Variants in SGPP2 observed in about 807,000 individuals in gnomAD.
The protein encoded by SGPP2 is sphingosine-1-phosphate phosphatase 2, also known as sphingosine 1-phosphate phosphohydrolase 2.
Under a neutral mutation model 33.9 loss-of-function variants are expected in SGPP2, and 30 were observed. That is an observed-to-expected ratio of 0.89 (90% CI 0.66 to 1.20). The LOEUF (loss-of-function observed/expected upper bound fraction) is 1.20, where lower values mean the gene tolerates loss of function less well. Ranked by LOEUF, SGPP2 falls within the 50% of genes most tolerant of loss-of-function variation. SGPP2 has a pLI of 0.00. For synonymous variants in SGPP2, 233 were observed against 225.0 expected, an observed-to-expected ratio of 1.04 and a Z score of -0.32; for missense variants, 458 against 532.1, an observed-to-expected ratio of 0.86 and a Z score of 1.37.
At chr2:222,509,175 T>C (rs140870301) in intron 2 of SGPP2, among the ~76,000 whole-genome samples, 1 of 152,088 alleles carries the variant, frequency 6.6e-6, no homozygotes. Flanking sequence ...CACAATCTAG[T>C]GCAGTCAATC....
rs1689466612 is a variant in SGPP2, at chr2:222,558,725, C to A, written c.1027C>A (p.Gln343Lys). Residue 343 changes from glutamine (Q) to lysine (K), a missense_variant, in exon 5 of 5, where the codon CAA (glutamine) becomes AAA (lysine). By Grantham distance (53) the Gln-to-Lys change is moderately conservative (BLOSUM62 1). Transcript: ENST00000321276. ...GATCCTCTTGGTTCGTCAGCTTGTA[C>A]AAAATCTCTCACTGCAAGTATTATA... Reference protein sequence around the residue: ...VLILLVRQLVQNLSLQVLYSW... With the variant: ...VLILLVRQLVKNLSLQVLYSW... 16 of 1,613,976 alleles carry A rather than the reference C, an allele frequency of 9.9e-6. No homozygotes were observed. The highest frequency in any genetic ancestry group is 1.7e-5 in the Admixed American group (1 of 59,998).
intron 1 of SGPP2, chr2:222,452,867 C>T: frequency 6.2e-7 from 1 of 1,608,204 alleles, no homozygotes; most frequent in Non-Finnish European, 8.5e-7. Flanking sequence ...ATTTCATTCT[C>T]TGGTTCTGGA....
chr2:222,486,701 G>T (rs536890840), intron 2 of SGPP2, among the ~76,000 whole-genome samples: 79 of 152,330 alleles, frequency 5.2e-4, no homozygotes, highest in African/African-American at 1.8e-3. Context: ...AGGAAACCAT[G>T]TGAGAAGGCC....
chr2:222,524,941 C>G lies in SGPP2; in HGVS notation c.559-3C>G. ...TCCCTTGTTTTTTCTCCTTCCCCCA[C>G]AGTATCCATTTGTGTTGGGACTGGT... On this transcript the variant is annotated splice_region_variant and splice_polypyrimidine_tract_variant and intron_variant, in intron 3 of 4. Coordinates refer to ENST00000321276, the MANE Select transcript of SGPP2 (RefSeq NM_152386.4). 6.2e-7 allele frequency: 1 copy of G among 1,613,108 alleles called. No homozygotes were observed. Among genetic ancestry groups the G allele is most frequent in the Non-Finnish European group, 8.5e-7 (1 of 1,179,278 alleles).
At chr2:222,424,495 C>T (rs1697026944), upstream of SGPP2, 2 of 768,924 alleles carry the variant, frequency 2.6e-6, no homozygotes, top group Non-Finnish European at 3.4e-6. Flanking sequence ...GCCCGCCCGG[C>T]CTCCGCCCGG....
At chr2:222,437,007 G>C (rs1697252167) in intron 1 of SGPP2, among the ~76,000 whole-genome samples, 1 of 152,198 alleles carries the variant, frequency 6.6e-6, no homozygotes, top group Non-Finnish European at 1.5e-5. Context: ...CCCATTGGGT[G>C]AAGACAGGAG....
intron 1 of SGPP2, 40 bp downstream of exon 1, chr2:222,424,861 C>A: frequency 1.6e-6 from 2 of 1,282,562 alleles, no homozygotes; most frequent in East Asian, 3.2e-5. Context: ...GGGGAGGGGG[C>A]GGCTGCGGAC....
rs1206163096 is a variant in SGPP2 at position 222,558,669 on chromosome 2, G to A, written c.971G>A (p.Gly324Asp). The A allele has an allele frequency of 1.9e-5, 30 of 1,613,980 alleles. No homozygotes were observed. Among genetic ancestry groups the A allele is most frequent in the Non-Finnish European group, 2.5e-5 (29 of 1,180,016 alleles). ...PPLTTYMLVL[G>D]LTKFAVGIVL... is the part of the protein sequence containing the mutation. The stretch of plus-strand genomic sequence containing the variant: ...CTCACCACCTACATGTTAGTTTTGG[G>A]TCTGACCAAATTTGCAGTGGGAATT... The change falls in exon 5 of 5, where the codon GGT (glycine) becomes GAT (aspartate). Residue 324 changes from glycine (G) to aspartate (D), a missense_variant. Physicochemically the swap from Gly to Asp is moderately conservative, Grantham distance 94 (BLOSUM62 -1). Coordinates refer to ENST00000321276, the MANE Select transcript of SGPP2 (RefSeq NM_152386.4).
At chr2:222,519,431 C>G (rs1469568918) in intron 2 of SGPP2, among the ~76,000 whole-genome samples, 1 of 152,220 alleles carries the variant, frequency 6.6e-6, no homozygotes, top group Non-Finnish European at 1.5e-5. Context: ...TGAAGTTGTC[C>G]TGTAAATTTC....
intron 1 of SGPP2, among the ~76,000 whole-genome samples, chr2:222,451,375 A>G (rs868792989): frequency 6.6e-6 from 1 of 152,262 alleles, no homozygotes; most frequent in East Asian, 1.9e-4. Flanking sequence ...TTTGAAAGTC[A>G]TATTAATCAT....
chr2:222,424,525 C>A, upstream of SGPP2: 4 of 1,021,208 alleles, frequency 3.9e-6, no homozygotes, highest in Non-Finnish European at 5.0e-6. Flanking sequence ...TCGGCGGGGG[C>A]GAGGCGGGAG....
intron 1 of SGPP2, among the ~76,000 whole-genome samples, chr2:222,435,047 T>TACAC (rs1553532228): frequency 2.1e-5 from 3 of 141,224 alleles, no homozygotes; most frequent in African/African-American, 2.6e-5. Flanking sequence ...TGTGTATATA[T>TACAC]ATACACACAT....
intron 1 of SGPP2, chr2:222,452,529 G>T: frequency 9.9e-7 from 1 of 1,012,034 alleles, no homozygotes; most frequent in Non-Finnish European, 1.6e-6. Context: ...AGGCAAACTG[G>T]CAGGAGAATT....
At chr2:222,459,692 C>T (rs1044191488) in intron 1 of SGPP2, among the ~76,000 whole-genome samples, 9 of 151,888 alleles carry the variant, frequency 5.9e-5, no homozygotes, top group African/African-American at 9.7e-5. Context: ...GGCAGAGGCT[C>T]CCGGAACATG....
At position 222,550,471 on chromosome 2, in the gene SGPP2, A is replaced by T. The variant is rs2106154933; in HGVS notation, c.649-7876A>T. ...ACAACACAGAGAATAAATTACTCTT[A>T]ACATTTTTATTTCCTTCTGACATTT... On this transcript the variant is annotated intron_variant, in intron 4 of 4. Coordinates refer to ENST00000321276, the MANE Select transcript of SGPP2 (RefSeq NM_152386.4). The surrounding 1 kb of genome is among the most constrained non-coding windows in gnomAD (Gnocchi z 4.5). 1.3e-5 allele frequency among the ~76,000 whole-genome samples: 2 copies of T among 152,306 alleles called. No individual in the cohort carries two copies. Among genetic ancestry groups the T allele is most frequent in the South Asian group, 4.1e-4 (2 of 4,824 alleles).
chr2:222,556,487 C>T (rs1689402737), intron 4 of SGPP2, among the ~76,000 whole-genome samples: 2 of 142,336 alleles, frequency 1.4e-5, no homozygotes, highest in Non-Finnish European at 3.1e-5. Context: ...CTCACTTCCC[C>T]CACACCCTCA....
chr2:222,466,350 C>CT (rs1430579390), intron 1 of SGPP2, among the ~76,000 whole-genome samples: 1 of 151,082 alleles, frequency 6.6e-6, no homozygotes, highest in East Asian at 1.9e-4. Context: ...CCTCCACCTC[C>CT]TGGGTTCAAG....
chr2:222,424,831 G>T lies in SGPP2; in HGVS notation c.219+10G>T. Reference sequence around the variant, plus strand: ...AGCCGCGGCGCCGGAGGTAACCATGGGCAGGTGTTCGCCGGGTACGGGGAG... The same window carrying T: ...AGCCGCGGCGCCGGAGGTAACCATGTGCAGGTGTTCGCCGGGTACGGGGAG... On this transcript the variant is annotated intron_variant, in intron 1 of 4. Coordinates refer to ENST00000321276, the MANE Select transcript of SGPP2 (RefSeq NM_152386.4). 1 of 1,345,470 alleles carries T rather than the reference G, an allele frequency of 7.4e-7. No individual in the cohort carries two copies. Among genetic ancestry groups the T allele is most frequent in the Non-Finnish European group, 9.5e-7 (1 of 1,050,974 alleles). 83.3% of individuals were successfully genotyped at this position (1,345,470 alleles called of 1,614,324 possible).
At chr2:222,464,117 C>G (rs1302867848) in intron 1 of SGPP2, among the ~76,000 whole-genome samples, 1 of 152,204 alleles carries the variant, frequency 6.6e-6, no homozygotes, top group Non-Finnish European at 1.5e-5. Flanking sequence ...CCAAATCCCT[C>G]CGCACATACA....
Sources: allele counts gnomAD v4.1 joint callset (sites outside exome capture counted in the v4.1 genomes callset), GRCh38; gene constraint gnomAD v4.1.1; non-coding constraint Gnocchi (gnomAD v3.1); transcripts MANE v1.5; gene names NCBI Gene and HGNC (gene_info 2026-07-23, HGNC 2026-07-21).